KLHL3: variants seen among roughly 807,000 people sequenced by gnomAD.
KLHL3 encodes kelch like family member 3.
A neutral mutation model predicts 70.5 loss-of-function variants in KLHL3; 19 were observed. The observed-to-expected ratio is 0.27, with a 90% confidence interval of 0.19 to 0.40. The LOEUF is 0.40. Among genes scored for constraint, KLHL3 ranks in the 10% least tolerant of loss-of-function variants. The probability of loss-of-function intolerance (pLI) is 1.00; values close to 1 mark genes in which losing one functional copy is unlikely to be tolerated. For synonymous variants in KLHL3, 258 were observed against 290.3 expected, an observed-to-expected ratio of 0.89 and a Z score of 1.13; for missense variants, 512 against 771.1, an observed-to-expected ratio of 0.66 and a Z score of 3.98.
At chr5:137,732,946 A>T (rs1580792766) in intron 1 of KLHL3, among the ~76,000 whole-genome samples, 1 of 152,166 alleles carries the variant, frequency 6.6e-6, no homozygotes, top group East Asian at 1.9e-4. Flanking sequence ...GGTCTATGTT[A>T]CTCCAAAGTC....
intron 13 of KLHL3, 112 bp from the exon 14 acceptor site, chr5:137,626,008 G>A: frequency 1.5e-6 from 2 of 1,297,354 alleles, no homozygotes; most frequent in Non-Finnish European, 2.1e-6. Context: ...TCCCTTCATG[G>A]CAATACAACA....
intron 2 of KLHL3, among the ~76,000 whole-genome samples, chr5:137,712,649 C>T (rs982893654): frequency 3.9e-5 from 6 of 152,128 alleles, no homozygotes; most frequent in African/African-American, 4.8e-5. Flanking sequence ...TCCTTTTTTC[C>T]GAGCTATCAC....
At chr5:137,732,135 G>A (rs189813858) in intron 1 of KLHL3, among the ~76,000 whole-genome samples, 1 of 152,190 alleles carries the variant, frequency 6.6e-6, no homozygotes, top group East Asian at 1.9e-4. Context: ...CCAATTGCAA[G>A]GGCAACTGCC....
At chr5:137,684,619 CT>C (rs1752118935) in intron 5 of KLHL3, among the ~76,000 whole-genome samples, 1 of 152,232 alleles carries the variant, frequency 6.6e-6, no homozygotes, top group South Asian at 2.1e-4. Context: ...ATTAACATCC[CT>C]CCCAAACAGC....
intron 1 of KLHL3, 147 bp downstream of exon 1, chr5:137,735,486 T>C: frequency 1.4e-6 from 1 of 709,668 alleles, no homozygotes. Flanking sequence ...GCTTTCCTGC[T>C]CTTGTTCTGG....
chr5:137,672,771 A>T (rs1751792588), intron 6 of KLHL3: 1 of 152,242 alleles, frequency 6.6e-6, no homozygotes, highest in Non-Finnish European at 1.5e-5. Flanking sequence ...CTCTTTCCTT[A>T]GAGTGGGTTT....
intron 6 of KLHL3, 155 bp downstream of exon 6, chr5:137,677,390 G>A (rs1751909992): frequency 2.0e-6 from 1 of 499,050 alleles, no homozygotes; most frequent in South Asian, 3.4e-5. Context: ...GGAGGTTGCA[G>A]TGAGCCGAGA....
chr5:137,687,255 G>GC (rs1259444207), intron 5 of KLHL3, among the ~76,000 whole-genome samples: 1 of 37,506 alleles, frequency 2.7e-5, no homozygotes, highest in Admixed American at 2.3e-4. Flanking sequence ...GCGCGGGGGG[G>GC]GGTCGGCCAG....
chr5:137,681,141 G>T (rs906038275), intron 5 of KLHL3, among the ~76,000 whole-genome samples: 1 of 152,124 alleles, frequency 6.6e-6, no homozygotes, highest in Non-Finnish European at 1.5e-5. Flanking sequence ...AGGTTATTCA[G>T]TTCCTTGAGG....
intron 5 of KLHL3, among the ~76,000 whole-genome samples, chr5:137,683,168 G>A (rs1419964106): frequency 3.3e-5 from 5 of 152,072 alleles, no homozygotes; most frequent in African/African-American, 7.2e-5. Context: ...GTGTTGCTTG[G>A]TGGGAAAAGA....
At chr5:137,698,439 A>G (rs1752496310) in intron 3 of KLHL3, 31 bp from the exon 4 acceptor site, 31 of 1,613,390 alleles carry the variant, frequency 1.9e-5, no homozygotes, top group Non-Finnish European at 2.5e-5. Context: ...AAAATGACAT[A>G]AATGTGGTAC....
intron 11 of KLHL3, among the ~76,000 whole-genome samples, chr5:137,635,146 T>G (rs1432631914): frequency 2.0e-5 from 3 of 152,116 alleles, no homozygotes; most frequent in Non-Finnish European, 2.9e-5. Flanking sequence ...CTGCAATTAT[T>G]TTAAGTTAGA....
intron 8 of KLHL3, among the ~76,000 whole-genome samples, chr5:137,655,261 T>C (rs1189438835): frequency 1.3e-5 from 2 of 152,172 alleles, no homozygotes; most frequent in Non-Finnish European, 2.9e-5. Context: ...TGTGGAAATT[T>C]AGATCATAAT....
chr5:137,723,384 T>G (rs1276076997), intron 1 of KLHL3, among the ~76,000 whole-genome samples: 1 of 152,260 alleles, frequency 6.6e-6, no homozygotes, highest in African/African-American at 2.4e-5. Context: ...GAACATAGGA[T>G]ATCTCTCCAT....
intron 4 of KLHL3, among the ~76,000 whole-genome samples, chr5:137,697,989 CA>C (rs1752484279): frequency 6.6e-6 from 1 of 152,202 alleles, no homozygotes; most frequent in African/African-American, 2.4e-5. Context: ...GCTTTTCCTT[CA>C]CAAGATTTTG....
intron 4 of KLHL3, among the ~76,000 whole-genome samples, chr5:137,694,715 C>T (rs1162079539): frequency 1.3e-5 from 2 of 152,172 alleles, no homozygotes; most frequent in Non-Finnish European, 2.9e-5. Context: ...GCTGATTTAC[C>T]TGGGACTTTG....
rs375172469 is a variant in KLHL3 at position 137,639,982 on chromosome 5, G to A, written c.904-5C>T. On this transcript the variant is annotated splice_polypyrimidine_tract_variant and splice_region_variant and intron_variant, in intron 8 of 14. Transcript: ENST00000309755. The surrounding 1 kb of genome is among the most constrained non-coding windows in gnomAD (Gnocchi z 5.0). ...GCCGCCAACCACAATCATGACCTCC[G>A]GAGAGACAAGTGGACGTTAGCGGGG... The A allele has an allele frequency of 1.5e-4, 247 of 1,613,206 alleles. No homozygotes were observed. The highest frequency in any genetic ancestry group is 4.1e-4 in the African/African-American group (31 of 74,988).
intron 3 of KLHL3, among the ~76,000 whole-genome samples, chr5:137,703,325 T>C (rs1232511059): frequency 6.6e-6 from 1 of 152,220 alleles, no homozygotes; most frequent in Non-Finnish European, 1.5e-5. Flanking sequence ...GGCACTAAGA[T>C]GGTTATGGAA....
chr5:137,639,711 C>CAA lies in KLHL3; in HGVS notation c.1021+147_1021+148dup, dbSNP rs796957196. ...TCTGTCTTAAAACAACGACAACAAC[C>CAA]AAAAAAAAAAAAAAAGTGTGCAGGA... is the stretch of plus-strand genomic sequence containing the variant. On this transcript the variant is annotated intron_variant, in intron 9 of 14. Transcript: ENST00000309755. This position sits in a 1 kb window ranked among gnomAD's most constrained non-coding sequence, Gnocchi z 5.0. 0.069 allele frequency: 34,570 copies of CAA among 502,826 alleles called. 1,363 individuals carry two copies. The highest frequency in any genetic ancestry group is 0.24 in the African/African-American group (11,482 of 47,576). 31.1% of individuals were successfully genotyped at this position (502,826 alleles called of 1,614,324 possible).
Sources: allele counts gnomAD v4.1 joint callset (sites outside exome capture counted in the v4.1 genomes callset), GRCh38; gene constraint gnomAD v4.1.1; non-coding constraint Gnocchi (gnomAD v3.1); transcripts MANE v1.5; gene names NCBI Gene and HGNC (gene_info 2026-07-23, HGNC 2026-07-21).